The following ITGA8 variants were observed in gnomAD, a reference collection of about 807,000 sequenced individuals.
ITGA8 encodes the protein integrin subunit alpha 8.
Under a neutral mutation model 142.3 loss-of-function variants are expected in ITGA8, and 91 were observed. The ratio of observed to expected loss-of-function variants is 0.64; its 90% CI spans 0.54 to 0.76. ITGA8 has a LOEUF of 0.76. ITGA8 is among the 30% of genes least tolerant of loss of function. The pLI, the probability that ITGA8 is intolerant of heterozygous loss-of-function variation, is 0.00. For missense variants in ITGA8, 1,406 were observed against 1,327.7 expected, an observed-to-expected ratio of 1.06 and a Z score of -0.92; for synonymous variants, 505 against 485.2, an observed-to-expected ratio of 1.04 and a Z score of -0.54.
chr10:15,635,003 CTTTTTTTTTT>C (rs915334219), intron 13 of ITGA8, among the ~76,000 whole-genome samples: 2 of 107,234 alleles, frequency 1.9e-5, no homozygotes, highest in Non-Finnish European at 3.9e-5. Flanking sequence ...TTCTTTCTTT[CTTTTTTTTTT>C]TTTTTTTTTT....
rs373659590 is a variant in ITGA8, at chr10:15,584,448, C to T, written c.2372+2136G>A. 7.2e-5 allele frequency among the ~76,000 whole-genome samples: 11 copies of T among 152,294 alleles called. No individual in the cohort carries two copies. In the East Asian group the frequency reaches 1.9e-3, roughly 27 times the overall value. Reference sequence around the variant, plus strand: ...CGCAAGTTAAACCTTCAGTAAGGTACCATTTCTTGTCCACCAGACTGGCTC... The same window carrying T: ...CGCAAGTTAAACCTTCAGTAAGGTATCATTTCTTGTCCACCAGACTGGCTC... On this transcript the variant is annotated intron_variant, in intron 23 of 29. Coordinates refer to ENST00000378076, the MANE Select transcript of ITGA8 (RefSeq NM_003638.3).
rs9333158 is a variant in ITGA8 at position 15,607,897 on chromosome 10, A to G, written c.1610-66T>C. On this transcript the variant is annotated intron_variant, in intron 16 of 29. Coordinates refer to ENST00000378076, the MANE Select transcript of ITGA8 (RefSeq NM_003638.3). ...ACACAGTGCTCTATCAGAGAGATGA[A>G]TTTCTATTTCAAGTTGCTTATTCAG... is the stretch of plus-strand genomic sequence containing the variant. 1,286 of 1,357,944 alleles carry G rather than the reference A, an allele frequency of 9.5e-4. 15 individuals are homozygous for G. In the African/African-American group the frequency reaches 0.017, roughly 18 times the overall value. The allele number at this position is 1,357,944 out of a possible 1,614,324, so 84.1% of individuals were successfully genotyped here.
At chr10:15,549,633 A>C (rs1049308254) in intron 26 of ITGA8, among the ~76,000 whole-genome samples, 2 of 152,212 alleles carry the variant, frequency 1.3e-5, no homozygotes, top group African/African-American at 4.8e-5. Flanking sequence ...GTTTAAATTT[A>C]TCTTGTGGCC....
At chr10:15,623,823 C>G (rs1833536014) in intron 13 of ITGA8, among the ~76,000 whole-genome samples, 1 of 152,164 alleles carries the variant, frequency 6.6e-6, no homozygotes. Flanking sequence ...AGACAGAGAA[C>G]AGTCCCATCA....
rs1833002414 is a variant in ITGA8, at chr10:15,595,844, T to C, written c.2211+1363A>G. On this transcript the variant is annotated intron_variant, in intron 21 of 29. Coordinates refer to ENST00000378076, the MANE Select transcript of ITGA8 (RefSeq NM_003638.3). ...ACTTTCGGAGGCCAAGGCAGGTGGA[T>C]CACCTGAGGCCAGGAGTTCGAGACC... Among the ~76,000 whole-genome samples the C allele has an allele frequency of 1.3e-5, 2 of 152,112 alleles. 1 individual carries two copies. The highest frequency in any genetic ancestry group is 4.1e-4 in the South Asian group (2 of 4,824).
rs772330266 is a variant in ITGA8 at position 15,608,264 on chromosome 10, A to G, written c.1580T>C (p.Val527Ala). ...TGTGTTTGCAATGCTCTGGCCTGTG[A>G]CAGATGCACATACTCTTAAAGAAAA... ...ACFSLRVCAS[V>A]TGQSIANTIV... is the part of the protein sequence containing the mutation. Residue 527 changes from valine to alanine, a missense_variant, in exon 16 of 30, where the codon GTC (valine) becomes GCC (alanine). Coordinates refer to ENST00000378076, the MANE Select transcript of ITGA8 (RefSeq NM_003638.3). The G allele has an allele frequency of 1.9e-6, 3 of 1,596,970 alleles. No homozygotes were observed. The highest frequency in any genetic ancestry group is 2.6e-6 in the Non-Finnish European group (3 of 1,173,002).
chr10:15,616,351 CA>C, intron 14 of ITGA8, among the ~76,000 whole-genome samples, 162 bp downstream of exon 14: 1 of 152,094 alleles, frequency 6.6e-6, no homozygotes, highest in East Asian at 1.9e-4. Flanking sequence ...AGTAAAAATG[CA>C]AAGGAAAGAA....
At chr10:15,577,828 C>T (rs541840063) in intron 23 of ITGA8, among the ~76,000 whole-genome samples, 4 of 152,084 alleles carry the variant, frequency 2.6e-5, no homozygotes, top group Non-Finnish European at 5.9e-5. Context: ...AGCCTTCCGT[C>T]CTAAGATGGA....
At chr10:15,553,302 GTTTTTT>G (rs5783451) in intron 26 of ITGA8, among the ~76,000 whole-genome samples, 1 of 131,140 alleles carries the variant, frequency 7.6e-6, no homozygotes, top group Admixed American at 7.8e-5. Context: ...AGTTGCCATA[GTTTTTT>G]TTTTTTTTTT....
At chr10:15,557,609 T>C (rs1588642961) in intron 26 of ITGA8, among the ~76,000 whole-genome samples, 1 of 152,080 alleles carries the variant, frequency 6.6e-6, no homozygotes, top group African/African-American at 2.4e-5. Flanking sequence ...CACCTTGGCC[T>C]CCCAAAGTGC....
At chr10:15,637,421 C>T (rs1002131337) in intron 13 of ITGA8, among the ~76,000 whole-genome samples, 1 of 151,948 alleles carries the variant, frequency 6.6e-6, no homozygotes, top group African/African-American at 2.4e-5. Flanking sequence ...AATCACTGTT[C>T]AATTGTTACA....
intron 27 of ITGA8, among the ~76,000 whole-genome samples, chr10:15,532,286 G>A (rs1377716901): frequency 6.6e-6 from 1 of 151,814 alleles, no homozygotes; most frequent in Non-Finnish European, 1.5e-5. Context: ...GGGCATGGTG[G>A]CGGGTCCCTA....
rs927721175 is a variant in ITGA8 at position 15,695,168 on chromosome 10, A to G, written c.344-7130T>C. 2.6e-5 allele frequency among the ~76,000 whole-genome samples: 4 copies of G among 152,214 alleles called. No homozygotes were observed. In the East Asian group the frequency reaches 5.8e-4, roughly 22 times the overall value. On this transcript the variant is annotated intron_variant, in intron 2 of 29. Transcript: ENST00000378076. ...GTCAACTGGGCAATTTGGCAGTAAT[A>G]TTTTTCTTCTGGACCAAGGGTACAA...
At chr10:15,633,397 A>G (rs190606011) in intron 13 of ITGA8, among the ~76,000 whole-genome samples, 27 of 152,304 alleles carry the variant, frequency 1.8e-4, no homozygotes, top group Admixed American at 6.5e-4. Context: ...AAACTGAAAC[A>G]GTCAACATTA....
chr10:15,625,893 G>T (rs1380725513), intron 13 of ITGA8, among the ~76,000 whole-genome samples: 1 of 152,110 alleles, frequency 6.6e-6, no homozygotes, highest in Non-Finnish European at 1.5e-5. Flanking sequence ...CTATAAAATC[G>T]AGCTGCAGAC....
At chr10:15,628,141 C>G (rs894424608) in intron 13 of ITGA8, among the ~76,000 whole-genome samples, 3 of 151,936 alleles carry the variant, frequency 2.0e-5, no homozygotes, top group African/African-American at 7.3e-5. Flanking sequence ...ATTACCCACT[C>G]CTTTCGCAGA....
Position 15,531,156 on chromosome 10 carries a change from A to G in ITGA8, c.2881-5T>C. Reference sequence around the variant, plus strand: ...AGCATAGGGATCATTTTTTCTCTGAAAGTAAAAGTATTTATTTAAATATAT... The same window carrying G: ...AGCATAGGGATCATTTTTTCTCTGAGAGTAAAAGTATTTATTTAAATATAT... On this transcript the variant is annotated splice_region_variant and splice_polypyrimidine_tract_variant and intron_variant, in intron 27 of 29. Transcript: ENST00000378076. 7.2e-7 allele frequency: 1 copy of G among 1,387,882 alleles called. No homozygotes were observed. Among genetic ancestry groups the G allele is most frequent in the Non-Finnish European group, 9.7e-7 (1 of 1,029,358 alleles). 86.0% of individuals were successfully genotyped at this position (1,387,882 alleles called of 1,614,324 possible).
intron 2 of ITGA8, among the ~76,000 whole-genome samples, chr10:15,708,021 G>T (rs558963538): frequency 6.9e-6 from 1 of 145,906 alleles, no homozygotes; most frequent in East Asian, 2.0e-4. Flanking sequence ...CTTGACCTTC[G>T]CTTTCTTTTC....
chr10:15,628,259 C>G (rs1204310233), intron 13 of ITGA8, among the ~76,000 whole-genome samples: 1 of 142,344 alleles, frequency 7.0e-6, no homozygotes, highest in African/African-American at 2.7e-5. Context: ...GGCAGCCATT[C>G]TTTATTATCT....
Sources: allele counts gnomAD v4.1 joint callset (sites outside exome capture counted in the v4.1 genomes callset), GRCh38; gene constraint gnomAD v4.1.1; transcripts MANE v1.5; gene names NCBI Gene and HGNC (gene_info 2026-07-23, HGNC 2026-07-21).